The following ARHGAP22 variants were observed in gnomAD, a reference collection of about 807,000 sequenced individuals.
The protein encoded by ARHGAP22 is rho GTPase-activating protein 22.
In ARHGAP22, 48 loss-of-function variants were observed where a neutral mutation model predicts 59.1. The observed-to-expected ratio is 0.81, with a 90% confidence interval of 0.64 to 1.03. The LOEUF (loss-of-function observed/expected upper bound fraction) is 1.03, where lower values mean the gene tolerates loss of function less well. Ranked by LOEUF, ARHGAP22 falls within the 50% of genes least tolerant of loss-of-function variation. The pLI is 0.00. For missense variants in ARHGAP22, 1,015 were observed against 958.7 expected (o/e 1.06, Z -0.78); for synonymous variants, 445 against 416.4 (o/e 1.07, Z -0.84).
intron 3 of ARHGAP22, among the ~76,000 whole-genome samples, chr10:48,480,765 A>G (rs2049221779): frequency 6.6e-6 from 1 of 152,268 alleles, no homozygotes; most frequent in South Asian, 2.1e-4. Context: ...CACATTTTAC[A>G]GATGAGAAAA....
chr10:48,466,987 C>T (rs1238476891), intron 4 of ARHGAP22, among the ~76,000 whole-genome samples: 1 of 152,204 alleles, frequency 6.6e-6, no homozygotes, highest in Admixed American at 6.5e-5. Context: ...AGCAGGTGTT[C>T]CAGGTGAGGC....
intron 3 of ARHGAP22, among the ~76,000 whole-genome samples, chr10:48,491,559 T>C (rs1382447629): frequency 6.6e-6 from 1 of 152,206 alleles, no homozygotes; most frequent in Non-Finnish European, 1.5e-5. Context: ...CCCGACTCTG[T>C]CTATTTTATA....
chr10:48,464,144 T>G (rs776963658), intron 4 of ARHGAP22, among the ~76,000 whole-genome samples: 7 of 152,182 alleles, frequency 4.6e-5, no homozygotes, highest in Admixed American at 2.0e-4. Context: ...CCCTGAAGGC[T>G]GTAAACATAT....
At chr10:48,576,365 A>T (rs2058711235) in intron 2 of ARHGAP22, among the ~76,000 whole-genome samples, 1 of 152,280 alleles carries the variant, frequency 6.6e-6, no homozygotes, top group Admixed American at 6.5e-5. Context: ...AACCTCTAGC[A>T]CTGTGGCCCT....
chr10:48,581,968 A>G (rs151189974), intron 2 of ARHGAP22, among the ~76,000 whole-genome samples: 104 of 152,326 alleles, frequency 6.8e-4, no homozygotes, highest in African/African-American at 2.2e-3. Context: ...GGAGGATCCA[A>G]GTGTTTGAGA....
In ARHGAP22 at chr10:48,564,746, T is replaced by C. The variant is rs146683317; in HGVS notation, c.235-9196A>G. On this transcript the variant is annotated intron_variant, in intron 2 of 9. Transcript: ENST00000249601. The stretch of plus-strand genomic sequence containing the variant: ...TTCAGGAAACAAAGAGTGATTTCCC[T>C]CTCTCTTCTGCAAGCATTTAGGGTG... 9.2e-5 allele frequency among the ~76,000 whole-genome samples: 14 copies of C among 152,336 alleles called. No individual in the cohort carries two copies. In the East Asian group the frequency reaches 2.1e-3, roughly 23 times the overall value.
chr10:48,585,152 G>T (rs1320469681), intron 1 of ARHGAP22, among the ~76,000 whole-genome samples: 4 of 152,192 alleles, frequency 2.6e-5, no homozygotes. Context: ...ACTTTGCAAT[G>T]TGTCTAGACT....
intron 4 of ARHGAP22, among the ~76,000 whole-genome samples, chr10:48,475,453 G>A (rs1046610236): frequency 3.9e-5 from 6 of 152,002 alleles, no homozygotes; most frequent in Non-Finnish European, 7.4e-5. Context: ...CTAAACTTGA[G>A]CATCTTATAG....
chr10:48,603,502 GGT>G (rs576194392), intron 1 of ARHGAP22, among the ~76,000 whole-genome samples: 1 of 152,022 alleles, frequency 6.6e-6, no homozygotes, highest in South Asian at 2.1e-4. Context: ...ATCAAAATTT[GGT>G]GTGTCTTTTT....
chr10:48,643,331 T>G (rs897941889), intron 1 of ARHGAP22, among the ~76,000 whole-genome samples: 29 of 152,142 alleles, frequency 1.9e-4, no homozygotes, highest in Admixed American at 6.5e-4. Context: ...CTATTCACAA[T>G]AGCAAAGACT....
chr10:48,600,416 T>C (rs1312261545), intron 1 of ARHGAP22, among the ~76,000 whole-genome samples: 1 of 152,154 alleles, frequency 6.6e-6, no homozygotes, highest in Non-Finnish European at 1.5e-5. Context: ...TTAAGGAAAA[T>C]GCTTTATATC....
chr10:48,553,925 G>T (rs1354733896), intron 3 of ARHGAP22, among the ~76,000 whole-genome samples: 1 of 152,138 alleles, frequency 6.6e-6, no homozygotes, highest in African/African-American at 2.4e-5. Context: ...TGTCCCCAGA[G>T]CCAGGGGCCA....
chr10:48,551,767 G>A (rs1175458621), intron 3 of ARHGAP22, among the ~76,000 whole-genome samples: 2 of 152,234 alleles, frequency 1.3e-5, no homozygotes, highest in Non-Finnish European at 2.9e-5. Flanking sequence ...GTGGCTGGAT[G>A]TGCAGGTTCT....
At chr10:48,591,358 C>T (rs900535318) in intron 1 of ARHGAP22, among the ~76,000 whole-genome samples, 2 of 152,150 alleles carry the variant, frequency 1.3e-5, no homozygotes, top group Non-Finnish European at 2.9e-5. Context: ...AGGCACAGGG[C>T]CAGCAGAGGA....
At chr10:48,479,296 C>T (rs1370885170) in intron 4 of ARHGAP22, 2 of 409,904 alleles carry the variant, frequency 4.9e-6, no homozygotes, top group African/African-American at 2.1e-5. Context: ...CCCTGGACAC[C>T]ACGAGACACA....
intron 3 of ARHGAP22, among the ~76,000 whole-genome samples, chr10:48,552,329 T>C (rs1425597013): frequency 6.6e-6 from 1 of 152,270 alleles, no homozygotes. Flanking sequence ...TATCCTGCCC[T>C]GATTTCCTGG....
rs142880413 is a variant in ARHGAP22, at chr10:48,450,732, G to T, written c.1397C>A (p.Ser466Tyr). 5 of 1,558,130 alleles carry T rather than the reference G, an allele frequency of 3.2e-6. No individual in the cohort carries two copies. The African/African-American group carries it at 6.8e-5, about 21-fold the overall frequency. ...GGCCCGGCGGTGTCCGCGCAGGGAG[G>T]ACAGCCCGTTCATAAGCCAGTTCCC... is the stretch of plus-strand genomic sequence containing the variant. ...SGGNWLMNGL[S>Y]SLRGHRRASS... The change falls in exon 9 of 10, where the codon TCC (serine) becomes TAC (tyrosine). Residue 466 changes from serine to tyrosine, a missense_variant. Physicochemically the swap from Ser to Tyr is moderately radical, Grantham distance 144. Transcript: ENST00000249601.
At chr10:48,512,084 G>A (rs1419728065) in intron 3 of ARHGAP22, among the ~76,000 whole-genome samples, 1 of 152,234 alleles carries the variant, frequency 6.6e-6, no homozygotes, top group African/African-American at 2.4e-5. Flanking sequence ...TGGATAGGCT[G>A]AAGCCACAAT....
intron 3 of ARHGAP22, among the ~76,000 whole-genome samples, chr10:48,521,750 T>A (rs1366449189): frequency 1.3e-5 from 2 of 152,192 alleles, no homozygotes; most frequent in African/African-American, 4.8e-5. Flanking sequence ...CAGTTTAATG[T>A]CCAAAGCAGC....
Sources: allele counts gnomAD v4.1 joint callset (sites outside exome capture counted in the v4.1 genomes callset), GRCh38; gene constraint gnomAD v4.1.1; transcripts MANE v1.5; gene names NCBI Gene and HGNC (gene_info 2026-07-23, HGNC 2026-07-21).